Variants in UBAP2 observed in about 807,000 individuals in gnomAD.
The protein encoded by UBAP2 is ubiquitin associated protein 2, also known as ubiquitin-associated protein 2.
In UBAP2, 75 loss-of-function variants were observed where a neutral mutation model predicts 139.6. That is an observed-to-expected ratio of 0.54 (90% confidence interval 0.45 to 0.65). The LOEUF is 0.65. Ranked by LOEUF, UBAP2 falls within the 30% of genes least tolerant of loss-of-function variation. The pLI is 0.00. For synonymous variants in UBAP2, 526 were observed against 526.2 expected (o/e 1.00, Z 0.01); for missense variants, 1,368 against 1,369.6 (o/e 1.00, Z 0.02).
intron 6 of UBAP2, among the ~76,000 whole-genome samples, chr9:33,981,970 TTC>T (rs1338316861): frequency 6.6e-6 from 1 of 152,130 alleles, no homozygotes; most frequent in African/African-American, 2.4e-5. Context: ...CTCTCTGCTT[TTC>T]TCTTTCCTCT....
At chr9:33,958,417 CT>C (rs35244821) in intron 10 of UBAP2, among the ~76,000 whole-genome samples, 57,226 of 149,354 alleles carry the variant, frequency 0.38, 11,070 homozygotes, top group South Asian at 0.48. Context: ...TCCCCACCCC[CT>C]TTTTTTTTTG....
At chr9:34,016,042 G>T (rs1217626185) in intron 2 of UBAP2, among the ~76,000 whole-genome samples, 2 of 152,028 alleles carry the variant, frequency 1.3e-5, no homozygotes, top group Non-Finnish European at 2.9e-5. Context: ...ATCTACCTTG[G>T]ATTTTCATAT....
intron 1 of UBAP2, among the ~76,000 whole-genome samples, chr9:34,038,552 CG>C: frequency 6.6e-6 from 1 of 152,296 alleles, no homozygotes; most frequent in South Asian, 2.1e-4. Flanking sequence ...CCTGAGGTGC[CG>C]GGATTGCAGA....
chr9:33,973,382 A>T (rs1411995887), intron 6 of UBAP2, 145 bp from the exon 7 acceptor site: 6 of 830,914 alleles, frequency 7.2e-6, no homozygotes, highest in Non-Finnish European at 9.8e-6. Context: ...CACCCAATTA[A>T]CTGATCCCTG....
At chr9:33,982,205 G>C (rs955245354) in intron 6 of UBAP2, among the ~76,000 whole-genome samples, 6 of 152,132 alleles carry the variant, frequency 3.9e-5, no homozygotes, top group Non-Finnish European at 5.9e-5. Context: ...AGGGCCTGCT[G>C]GTAAACATAC....
intron 4 of UBAP2, chr9:33,994,755 C>CA (rs984916123): frequency 6.6e-6 from 1 of 151,732 alleles, no homozygotes; most frequent in Non-Finnish European, 1.5e-5. Context: ...CTGCTACACT[C>CA]AAACAGTGAA....
intron 1 of UBAP2, among the ~76,000 whole-genome samples, chr9:34,033,326 C>A (rs1026250644): frequency 6.6e-6 from 1 of 151,992 alleles, no homozygotes; most frequent in African/African-American, 2.4e-5. Context: ...TGGATAGAAC[C>A]GGAGATCATT....
At chr9:33,987,331 G>A (rs1386119166) in intron 5 of UBAP2, among the ~76,000 whole-genome samples, 1 of 152,146 alleles carries the variant, frequency 6.6e-6, no homozygotes, top group Non-Finnish European at 1.5e-5. Context: ...AGAATTGCTT[G>A]GACCCAACAG....
chr9:33,924,582 C>T (rs1015985650), intron 22 of UBAP2, among the ~76,000 whole-genome samples: 1 of 152,220 alleles, frequency 6.6e-6, no homozygotes, highest in East Asian at 1.9e-4. Context: ...GTGAATGCCT[C>T]GGGCTGAACC....
chr9:34,032,444 C>T (rs932402962), intron 1 of UBAP2, among the ~76,000 whole-genome samples: 3 of 152,138 alleles, frequency 2.0e-5, no homozygotes, highest in Non-Finnish European at 4.4e-5. Flanking sequence ...GTTACTCTGT[C>T]CCAAGGCTTC....
chr9:33,959,103 G>A (rs975458538), intron 10 of UBAP2, among the ~76,000 whole-genome samples: 2 of 151,730 alleles, frequency 1.3e-5, no homozygotes, highest in East Asian at 1.9e-4. Flanking sequence ...AGCCAAGATC[G>A]TGCCTCTGCA....
chr9:33,955,382 G>T (rs1826466350), intron 11 of UBAP2, among the ~76,000 whole-genome samples: 1 of 152,020 alleles, frequency 6.6e-6, no homozygotes, highest in South Asian at 2.1e-4. Context: ...AGCCGGGCGT[G>T]GTGGCAGGCG....
Position 33,922,858 on chromosome 9 carries a change from A to C in UBAP2, c.3093T>G (p.Phe1031Leu). 6.3e-7 allele frequency: 1 copy of C among 1,590,170 alleles called. No homozygotes were observed. Among genetic ancestry groups the C allele is most frequent in the Non-Finnish European group, 8.6e-7 (1 of 1,165,864 alleles). ...TGAAAGGTGGAGGCGTCCCTGCATG[A>C]AATCCCTGCTTGTCAAAAGTCTACA... ...NKTQTFDKQG[F>L]HAGTPPPFSL... Residue 1031 changes from phenylalanine to leucine, a missense_variant, in exon 28 of 29, where the codon TTT (phenylalanine) becomes TTG (leucine). By Grantham distance (22) the Phe-to-Leu change is conservative. Coordinates refer to ENST00000379238, the MANE Select transcript of UBAP2 (RefSeq NM_001370062.2).
At chr9:33,929,557 C>T (rs1823779026) in intron 19 of UBAP2, among the ~76,000 whole-genome samples, 1 of 151,804 alleles carries the variant, frequency 6.6e-6, no homozygotes, top group Non-Finnish European at 1.5e-5. Flanking sequence ...GATATAACTA[C>T]AAGAAAATGG....
At chr9:34,026,505 A>C (rs999369021) in intron 1 of UBAP2, among the ~76,000 whole-genome samples, 3 of 152,228 alleles carry the variant, frequency 2.0e-5, no homozygotes, top group African/African-American at 4.8e-5. Flanking sequence ...GATGCTGTTC[A>C]CTGAGTCATG....
chr9:33,947,172 T>C (rs1334363955), intron 13 of UBAP2, among the ~76,000 whole-genome samples: 1 of 152,192 alleles, frequency 6.6e-6, no homozygotes, highest in East Asian at 1.9e-4. Context: ...TGATTTCCCT[T>C]GGTAGACATC....
intron 1 of UBAP2, among the ~76,000 whole-genome samples, chr9:34,037,825 A>G (rs779318902): frequency 1.3e-5 from 2 of 151,978 alleles, no homozygotes; most frequent in Non-Finnish European, 2.9e-5. Context: ...TTCAGTGACA[A>G]TATGTAAATA....
At chr9:34,014,967 A>G (rs2131267608) in intron 2 of UBAP2, among the ~76,000 whole-genome samples, 1 of 152,318 alleles carries the variant, frequency 6.6e-6, no homozygotes, top group South Asian at 2.1e-4. Context: ...TGTTAATACC[A>G]GCAGAATACT....
At chr9:33,939,325 T>C (rs1169021476) in intron 16 of UBAP2, among the ~76,000 whole-genome samples, 2 of 150,218 alleles carry the variant, frequency 1.3e-5, no homozygotes, top group East Asian at 2.0e-4. Context: ...GCCTCCCAAG[T>C]AGTAGCTGGG....
Sources: gnomAD v4.1 joint callset for allele counts (sites outside exome capture counted in the v4.1 genomes callset) on GRCh38, gnomAD v4.1.1 for gene constraint, MANE v1.5 for transcripts, NCBI Gene and HGNC (gene_info 2026-07-23, HGNC 2026-07-21) for gene names.